Variants in SLFN13 observed in about 807,000 individuals in gnomAD.
SLFN13 encodes the protein schlafen family member 13, also known as schlafen-13.
Under a neutral mutation model 50.6 loss-of-function variants are expected in SLFN13, and 43 were observed. The ratio of observed to expected loss-of-function variants is 0.85; its 90% CI spans 0.67 to 1.09. The LOEUF (loss-of-function observed/expected upper bound fraction) is 1.09. Ranked by LOEUF, SLFN13 falls within the 50% of genes least tolerant of loss-of-function variation. SLFN13 has a pLI of 0.00. For synonymous variants in SLFN13, 339 were observed against 386.5 expected (o/e 0.88, Z 1.44); for missense variants, 881 against 1,071.1 (o/e 0.82, Z 2.48).
At chr17:35,444,355 T>C (rs1343251181) in intron 3 of SLFN13, among the ~76,000 whole-genome samples, 1 of 152,196 alleles carries the variant, frequency 6.6e-6, no homozygotes, top group African/African-American at 2.4e-5. Context: ...TCCAACAGAT[T>C]CCAATTCAAT....
rs1700946683 is a variant in SLFN13, at chr17:35,438,814, T to C, written c.*1781A>G. The C allele has an allele frequency of 6.6e-6, 1 of 152,178 alleles. No individual in the cohort carries two copies. The highest frequency in any genetic ancestry group is 2.1e-4 in the South Asian group (1 of 4,836). 9.4% of individuals were successfully genotyped at this position (152,178 alleles called of 1,614,324 possible). A position where few individuals can be genotyped will look rare whatever the true frequency, so the allele number is the denominator to read the frequency against. On this transcript the variant is annotated 3_prime_UTR_variant, in exon 6 of 6. Coordinates refer to ENST00000285013, the MANE Select transcript of SLFN13 (RefSeq NM_144682.6). ...GTGGTTTCTTAATTTTCATTAGTTA[T>C]GCAAATATTTTATTGTTAGTATTTA...
In SLFN13 at chr17:35,445,319, C is replaced by G. The variant is rs1363713042; in HGVS notation, c.362G>C (p.Gly121Ala). ...GCTGCAAATGCGGGAATTGAAAGAA[C>G]CATCTTTAAGGAAAGGATCACCACT... is the stretch of plus-strand genomic sequence containing the variant. ...SWSGDPFLKD[G>A]SFNSRICSLS... The change falls in exon 3 of 6, where the codon GGT (glycine) becomes GCT (alanine). Residue 121 changes from glycine to alanine, a missense_variant. Gly to Ala is a moderately conservative substitution (Grantham distance 60). This residue lies in a region of SLFN13 where 497 missense variants were observed against 518.3 expected (regional missense o/e 0.96). Coordinates refer to ENST00000285013, the MANE Select transcript of SLFN13 (RefSeq NM_144682.6). 2 of 1,613,648 alleles carry G rather than the reference C, an allele frequency of 1.2e-6. No individual in the cohort carries two copies. Among genetic ancestry groups the G allele is most frequent in the African/African-American group, 2.7e-5 (2 of 74,884 alleles).
chr17:35,446,469 C>T (rs7222008), intron 2 of SLFN13, among the ~76,000 whole-genome samples: 2,847 of 152,114 alleles, frequency 0.019, 35 homozygotes, highest in Non-Finnish European at 0.028. Flanking sequence ...AATTCCAGTT[C>T]TGCCATTTAG....
In SLFN13 at chr17:35,443,781, G is replaced by A. The variant is rs1219964124; in HGVS notation, c.1198+8C>T. ...TTCTCTCCTGATGTAAAAACTGGCAGTCAGTACCTGGAAATAAATGTTGTT... is the reference window on the plus strand; with the variant it reads ...TTCTCTCCTGATGTAAAAACTGGCAATCAGTACCTGGAAATAAATGTTGTT... On this transcript the variant is annotated splice_region_variant and intron_variant, in intron 4 of 5. Transcript: ENST00000285013. 4 of 1,604,608 alleles carry A rather than the reference G, an allele frequency of 2.5e-6. No homozygotes were observed. In the Admixed American group the frequency reaches 6.7e-5, roughly 27 times the overall value.
rs1438117785 is a variant in SLFN13, at chr17:35,441,556, T to C, written c.1922+7A>G. ...AAAACTTAAAGACGTAAGATCCAAC[T>C]GCTTACCTGATAAAGTTCCTCAGAG... is the stretch of plus-strand genomic sequence containing the variant. On this transcript the variant is annotated splice_region_variant and intron_variant, in intron 5 of 5. Coordinates refer to ENST00000285013, the MANE Select transcript of SLFN13 (RefSeq NM_144682.6). 2 of 1,610,368 alleles carry C rather than the reference T, an allele frequency of 1.2e-6. 1 individual carries two copies. Among genetic ancestry groups the C allele is most frequent in the African/African-American group, 2.7e-5 (2 of 73,600 alleles).
At position 35,443,809 on chromosome 17, in the gene SLFN13, A is replaced by T; in HGVS notation, c.1178T>A (p.Leu393Gln). The part of the protein sequence containing the change: ...SKKGLEHKAD[L>Q]QQHLFPVPPG... ...AGTACCTGGAAATAAATGTTGTTGT[A>T]GATCAGCTTTGTGTTCCAGACCTTT... The change falls in exon 4 of 6, where the codon CTA (leucine) becomes CAA (glutamine). Residue 393 changes from leucine to glutamine, a missense_variant. Transcript: ENST00000285013. 6.2e-7 allele frequency: 1 copy of T among 1,612,108 alleles called. No individual in the cohort carries two copies. The highest frequency in any genetic ancestry group is 1.1e-5 in the South Asian group (1 of 90,972).
rs1912715324 is a variant in SLFN13 at position 35,438,944 on chromosome 17, G to A, written c.*1651C>T. ...TAGTTTGATGAATGATCATACAGCT[G>A]TGTTCTCAGGCTGCAATAACAAAAC... On this transcript the variant is annotated 3_prime_UTR_variant, in exon 6 of 6. Transcript: ENST00000285013. 1 of 151,604 alleles carries A rather than the reference G, an allele frequency of 6.6e-6. No homozygotes were observed. Among genetic ancestry groups the A allele is most frequent in the African/African-American group, 2.4e-5 (1 of 41,282 alleles). The allele number at this position is 151,604 out of a possible 1,614,324, so 9.4% of individuals were successfully genotyped here.
Position 35,436,325 on chromosome 17 carries a change from T to A in SLFN13, c.*4270A>T, listed in dbSNP as rs893981073. 6.6e-6 allele frequency: 1 copy of A among 152,262 alleles called. No individual in the cohort carries two copies. Among genetic ancestry groups the A allele is most frequent in the Admixed American group, 6.5e-5 (1 of 15,294 alleles). 9.4% of individuals were successfully genotyped at this position (152,262 alleles called of 1,614,324 possible). On this transcript the variant is annotated 3_prime_UTR_variant, in exon 6 of 6. Transcript: ENST00000285013. ...TTTTAATTCCAAAAGATATGAACAT[T>A]TTTCTAGTTACCGTTTTATTACTAG...
Position 35,439,833 on chromosome 17 carries a change from T to A in SLFN13, c.*762A>T, listed in dbSNP as rs1286264705. ...CCAAGTTTGTTCACCGTACATCTGA[T>A]ACACACTTTCAGAACCAGATTTGGG... On this transcript the variant is annotated 3_prime_UTR_variant, in exon 6 of 6. Coordinates refer to ENST00000285013, the MANE Select transcript of SLFN13 (RefSeq NM_144682.6). 1 of 152,118 alleles carries A rather than the reference T, an allele frequency of 6.6e-6. No individual in the cohort carries two copies. Among genetic ancestry groups the A allele is most frequent in the Admixed American group, 6.5e-5 (1 of 15,280 alleles). The allele number at this position is 152,118 out of a possible 1,614,324, so 9.4% of individuals were successfully genotyped here. A position where few individuals can be genotyped will look rare whatever the true frequency, so the allele number is the denominator to read the frequency against.
intron 4 of SLFN13, 118 bp from the exon 5 acceptor site, chr17:35,442,404 A>C: frequency 2.5e-6 from 3 of 1,197,748 alleles, no homozygotes; most frequent in Non-Finnish European, 3.4e-6. Context: ...TTTAACAGAA[A>C]TTCCTTCTGG....
chr17:35,436,173 T>C lies in SLFN13; in HGVS notation c.*4422A>G, dbSNP rs928554874. On this transcript the variant is annotated 3_prime_UTR_variant, in exon 6 of 6. Coordinates refer to ENST00000285013, the MANE Select transcript of SLFN13 (RefSeq NM_144682.6). ...TTAGTTAGGAACTGTTTCCTCTTTC[T>C]AGGAAAGCATTTGAATAAGACTGAA... is the stretch of plus-strand genomic sequence containing the variant. 1.3e-5 allele frequency: 2 copies of C among 152,166 alleles called. No individual in the cohort carries two copies. The highest frequency in any genetic ancestry group is 2.9e-5 in the Non-Finnish European group (2 of 68,030). 9.4% of individuals were successfully genotyped at this position (152,166 alleles called of 1,614,324 possible).
intron 3 of SLFN13, 120 bp from the exon 4 acceptor site, chr17:35,444,040 A>G: frequency 1.1e-6 from 1 of 942,598 alleles, no homozygotes; most frequent in Non-Finnish European, 1.5e-6. Flanking sequence ...ACAAAGTCAG[A>G]TGCTTTACCC....
rs1039206170 is a variant in SLFN13, at chr17:35,436,246, C to T, written c.*4349G>A. On this transcript the variant is annotated 3_prime_UTR_variant, in exon 6 of 6. Coordinates refer to ENST00000285013, the MANE Select transcript of SLFN13 (RefSeq NM_144682.6). ...TCCTCCTTAAACTTGCTTGTTAGAACCTGCTGTGACAATGGTTACAGAATT... is the reference window on the plus strand; with the variant it reads ...TCCTCCTTAAACTTGCTTGTTAGAATCTGCTGTGACAATGGTTACAGAATT... 6.6e-6 allele frequency: 1 copy of T among 152,048 alleles called. No individual in the cohort carries two copies. The highest frequency in any genetic ancestry group is 2.4e-5 in the African/African-American group (1 of 41,404). The allele number at this position is 152,048 out of a possible 1,614,324, so 9.4% of individuals were successfully genotyped here. A position where few individuals can be genotyped will look rare whatever the true frequency, so the allele number is the denominator to read the frequency against.
In SLFN13 at chr17:35,441,385, T is replaced by C. The variant is rs34467641; in HGVS notation, c.1923-19A>G. ...TCTATCACTGTAAAAATTAAAAGAA[T>C]ACACTCAGGTTTTCTCTAAGAAAAC... On this transcript the variant is annotated intron_variant, in intron 5 of 5. Coordinates refer to ENST00000285013, the MANE Select transcript of SLFN13 (RefSeq NM_144682.6). The C allele has an allele frequency of 1.3e-3, 2,088 of 1,580,900 alleles. 78 individuals are homozygous for C. The African/African-American group carries it at 0.021, about 16-fold the overall frequency.
rs1913057196 is a variant in SLFN13 at position 35,443,931 on chromosome 17, GAAC to G, written c.1067-14_1067-12del. ...AGTCTGGAGGAAACTCTGAAAGAAA[GAAC>G]ATTTTAATTTACACTATATGATTTC... On this transcript the variant is annotated splice_polypyrimidine_tract_variant and intron_variant, in intron 3 of 5. Coordinates refer to ENST00000285013, the MANE Select transcript of SLFN13 (RefSeq NM_144682.6). 2 of 1,611,640 alleles carry G rather than the reference GAAC, an allele frequency of 1.2e-6. No homozygotes were observed. Among genetic ancestry groups the G allele is most frequent in the Non-Finnish European group, 1.7e-6 (2 of 1,178,662 alleles).
Position 35,445,477 on chromosome 17 carries a change from C to T in SLFN13, c.204G>A (p.Arg68=), listed in dbSNP as rs529216782. 21 of 1,614,158 alleles carry T rather than the reference C, an allele frequency of 1.3e-5. 2 individuals are homozygous for T. The South Asian group carries it at 2.1e-4, about 16-fold the overall frequency. ...GTCCCATCTCTGTGGGACGCTCATC[C>T]CTGTTGGCCATTTCCATCTGAATCA... ...GGVIQMEMAN[R]DERPTEMGLD... Residue 68 remains arginine (R), a synonymous_variant, in exon 3 of 6, where the codon AGG becomes AGA. Transcript: ENST00000285013.
chr17:35,449,091 G>A (rs2142103336), upstream of SLFN13, among the ~76,000 whole-genome samples: 1 of 149,880 alleles, frequency 6.7e-6, no homozygotes, highest in African/African-American at 2.5e-5. Context: ...CTCAGGCTTA[G>A]TGGCGCGCGC....
In SLFN13 at chr17:35,437,200, T is replaced by G. The variant is rs1912667507; in HGVS notation, c.*3395A>C. ...TTTAAACTTTTGATTGTTTTATTAT[T>G]ATTTTGTTAGACATGGGGTCTTATT... On this transcript the variant is annotated 3_prime_UTR_variant, in exon 6 of 6. Coordinates refer to ENST00000285013, the MANE Select transcript of SLFN13 (RefSeq NM_144682.6). 1 of 152,134 alleles carries G rather than the reference T, an allele frequency of 6.6e-6. No individual in the cohort carries two copies. Among genetic ancestry groups the G allele is most frequent in the Non-Finnish European group, 1.5e-5 (1 of 68,026 alleles). 9.4% of individuals were successfully genotyped at this position (152,134 alleles called of 1,614,324 possible). A position where few individuals can be genotyped will look rare whatever the true frequency, so the allele number is the denominator to read the frequency against.
At position 35,441,893 on chromosome 17, in the gene SLFN13, G is replaced by C; in HGVS notation, c.1592C>G (p.Ser531Cys). Residue 531 changes from serine to cysteine, a missense_variant, in exon 5 of 6, where the codon TCT becomes TGT. Physicochemically the swap from Ser to Cys is moderately radical, Grantham distance 112. This residue lies in a region of SLFN13 where 22 missense variants were observed against 132.0 expected (regional missense o/e 0.17). Coordinates refer to ENST00000285013, the MANE Select transcript of SLFN13 (RefSeq NM_144682.6). The part of the protein sequence containing the change: ...SSAEALEAAV[S>C]PMDYPASYSL... ...ATAGGACGCAGGGTAATCCATCGGA[G>C]ACACTGCAGCCTCCAAGGCCTCTGC... 1 of 1,605,582 alleles carries C rather than the reference G, an allele frequency of 6.2e-7. No homozygotes were observed. Among genetic ancestry groups the C allele is most frequent in the South Asian group, 1.1e-5 (1 of 90,246 alleles).
Sources: allele counts gnomAD v4.1 joint callset (sites outside exome capture counted in the v4.1 genomes callset), GRCh38; gene constraint gnomAD v4.1.1; regional missense constraint gnomAD v4.1.1; transcripts MANE v1.5; gene names NCBI Gene and HGNC (gene_info 2026-07-23, HGNC 2026-07-21).